The following CDC42SE2 variants were observed in gnomAD, a reference collection of about 807,000 sequenced individuals.
The protein encoded by CDC42SE2 is CDC42 small effector protein 2.
CDC42SE2 carries 3 observed loss-of-function variants against 11.5 expected under a neutral mutation model. That is an observed-to-expected ratio of 0.26 (90% CI 0.12 to 0.67). CDC42SE2 has a LOEUF of 0.67. CDC42SE2 is among the 30% of genes least tolerant of loss of function. The probability of loss-of-function intolerance (pLI) is 0.80; values close to 1 mark genes in which losing one functional copy is unlikely to be tolerated. For synonymous variants in CDC42SE2, 33 were observed against 34.8 expected (o/e 0.95, Z 0.18); for missense variants, 82 against 106.8 (o/e 0.77, Z 1.02).
upstream of CDC42SE2, among the ~76,000 whole-genome samples, chr5:131,262,742 T>G (rs1756758067): frequency 6.6e-6 from 1 of 152,240 alleles, no homozygotes; most frequent in Non-Finnish European, 1.5e-5. Flanking sequence ...ACAATGTAAG[T>G]GCTATGTAAA....
rs34594352 is a variant in CDC42SE2 at position 131,339,246 on chromosome 5, G to GAAAAA, written c.-285-19941_-285-19937dup. Among the ~76,000 whole-genome samples the GAAAAA allele has an allele frequency of 2.8e-4, 8 of 28,240 alleles. 1 individual carries two copies. Among genetic ancestry groups the GAAAAA allele is most frequent in the Admixed American group, 5.0e-4 (1 of 1,990 alleles). 18.5% of individuals were successfully genotyped at this position (28,240 alleles called of 152,430 possible). On this transcript the variant is annotated intron_variant, in intron 2 of 4. Transcript: ENST00000505065. Reference sequence around the variant, plus strand: ...GTGGTGACAGAGTGAGACTCTGTCTGAAAAAAAAAAAAAAAAAAAAAAAAA... The same window carrying GAAAAA: ...GTGGTGACAGAGTGAGACTCTGTCTGAAAAAAAAAAAAAAAAAAAAAAAAAAAAAA...
the CDC42SE2 span, among the ~76,000 whole-genome samples, chr5:131,210,286 C>T: frequency 3.9e-5 from 6 of 152,330 alleles, no homozygotes; most frequent in African/African-American, 1.4e-4. Context: ...TGTCAATCTC[C>T]TTAAATTTAG....
At chr5:131,235,332 C>T in the CDC42SE2 span, among the ~76,000 whole-genome samples, 1 of 150,820 alleles carries the variant, frequency 6.6e-6, no homozygotes, top group Non-Finnish European at 1.5e-5. Flanking sequence ...GCTCTGTAGC[C>T]AGGCTGGAGT....
intron 4 of CDC42SE2, among the ~76,000 whole-genome samples, chr5:131,387,545 C>CCAT (rs1230913248): frequency 6.6e-6 from 1 of 151,982 alleles, no homozygotes; most frequent in Non-Finnish European, 1.5e-5. Flanking sequence ...GAGTGAAACC[C>CCAT]CATCTTAAAA....
At chr5:131,337,664 A>T (rs1019774739) in intron 2 of CDC42SE2, among the ~76,000 whole-genome samples, 35 of 152,188 alleles carry the variant, frequency 2.3e-4, no homozygotes, top group African/African-American at 2.4e-5. Context: ...AAGCCTGAGC[A>T]ATGGCGGGCA....
chr5:131,311,702 A>G (rs1757918775), intron 1 of CDC42SE2, among the ~76,000 whole-genome samples: 1 of 151,998 alleles, frequency 6.6e-6, no homozygotes, highest in Non-Finnish European at 1.5e-5. Context: ...CTCATCTTCC[A>G]TCGCTGATAC....
At chr5:131,252,499 C>CA (rs1481330419) in intron 1 of CDC42SE2, among the ~76,000 whole-genome samples, 140 of 151,790 alleles carry the variant, frequency 9.2e-4, no homozygotes, top group African/African-American at 3.2e-3. Flanking sequence ...ACTAAAAATA[C>CA]AAAAAAAATT....
intron 2 of CDC42SE2, among the ~76,000 whole-genome samples, chr5:131,325,991 C>G (rs1580755206): frequency 6.6e-6 from 1 of 152,108 alleles, no homozygotes; most frequent in East Asian, 1.9e-4. Context: ...AAAAATTGAT[C>G]CAGTTAGAGG....
At chr5:131,271,580 TGG>T (rs143478830) in intron 1 of CDC42SE2, among the ~76,000 whole-genome samples, 1 of 152,072 alleles carries the variant, frequency 6.6e-6, no homozygotes, top group African/African-American at 2.4e-5. Context: ...TGGGCCAGGG[TGG>T]GGCAGGGTTC....
intron 2 of CDC42SE2, among the ~76,000 whole-genome samples, chr5:131,358,225 A>T (rs1749609162): frequency 6.6e-6 from 1 of 152,108 alleles, no homozygotes; most frequent in South Asian, 2.1e-4. Context: ...TCTTAACTTG[A>T]CTATTGTAGT....
At chr5:131,331,217 C>T (rs1267005433) in intron 2 of CDC42SE2, among the ~76,000 whole-genome samples, 2 of 151,956 alleles carry the variant, frequency 1.3e-5, no homozygotes, top group African/African-American at 2.4e-5. Flanking sequence ...GTCAAATTCA[C>T]GGAAATTCTA....
intron 1 of CDC42SE2, among the ~76,000 whole-genome samples, chr5:131,273,614 CA>C (rs914732601): frequency 1.7e-4 from 26 of 149,152 alleles, no homozygotes; most frequent in Admixed American, 4.7e-4. Flanking sequence ...ACTAAAAATA[CA>C]AAAAAAAATT....
At chr5:131,276,759 GCT>G (rs1173063370) in intron 1 of CDC42SE2, among the ~76,000 whole-genome samples, 8 of 144,110 alleles carry the variant, frequency 5.6e-5, no homozygotes, top group Non-Finnish European at 1.1e-4. Flanking sequence ...ATGGAGACTT[GCT>G]CTGTCACCCA....
intron 1 of CDC42SE2, among the ~76,000 whole-genome samples, chr5:131,274,335 C>G (rs534777617): frequency 6.6e-6 from 1 of 152,274 alleles, no homozygotes; most frequent in East Asian, 1.9e-4. Context: ...AGTAGACATT[C>G]TTGACTCTCT....
At chr5:131,353,092 A>G (rs1188980900) in intron 2 of CDC42SE2, among the ~76,000 whole-genome samples, 5 of 152,114 alleles carry the variant, frequency 3.3e-5, no homozygotes, top group Non-Finnish European at 5.9e-5. Context: ...CAGCCTTCCA[A>G]GTAGCTGATA....
In CDC42SE2 at chr5:131,271,279, T is replaced by C. The variant is rs149843080; in HGVS notation, c.-455+7113T>C. Among the ~76,000 whole-genome samples, 471 of 152,290 alleles carry C rather than the reference T, an allele frequency of 3.1e-3. 4 individuals carry two copies. Among genetic ancestry groups the C allele is most frequent in the African/African-American group, 0.011 (441 of 41,560 alleles). Reference sequence around the variant, plus strand: ...ATAGACACAATTTCATTAATTCCACTGGGGTCTCAGCATCCTGTCTTTCCA... The same window carrying C: ...ATAGACACAATTTCATTAATTCCACCGGGGTCTCAGCATCCTGTCTTTCCA... On this transcript the variant is annotated intron_variant, in intron 1 of 4. Coordinates refer to ENST00000505065, the MANE Select transcript of CDC42SE2 (RefSeq NM_001375635.1).
rs539870943 is a variant in CDC42SE2, at chr5:131,332,514, C to T, written c.-286+16370C>T. On this transcript the variant is annotated intron_variant, in intron 2 of 4. Transcript: ENST00000505065. Reference sequence around the variant, plus strand: ...GGGATGGCTGGATCAAATGGTATTTCTAGTTCTAGATCCCTGAGGAATTGC... The same window carrying T: ...GGGATGGCTGGATCAAATGGTATTTTTAGTTCTAGATCCCTGAGGAATTGC... 4.1e-3 allele frequency among the ~76,000 whole-genome samples: 630 copies of T among 152,132 alleles called. 4 individuals are homozygous for T. The highest frequency in any genetic ancestry group is 0.013 in the African/African-American group (546 of 41,464).
chr5:131,341,135 G>A (rs928196710), intron 2 of CDC42SE2, among the ~76,000 whole-genome samples: 1 of 152,092 alleles, frequency 6.6e-6, no homozygotes, highest in Non-Finnish European at 1.5e-5. Flanking sequence ...TTTCACAATA[G>A]TCCCATGGTA....
At chr5:131,368,170 G>A (rs887369730) in intron 3 of CDC42SE2, among the ~76,000 whole-genome samples, 1 of 150,826 alleles carries the variant, frequency 6.6e-6, no homozygotes, top group African/African-American at 2.4e-5. Context: ...GGAGAATGGC[G>A]TGAACCTGGG....
Sources: allele counts gnomAD v4.1 joint callset (sites outside exome capture counted in the v4.1 genomes callset), GRCh38; gene constraint gnomAD v4.1.1; transcripts MANE v1.5; gene names NCBI Gene and HGNC (gene_info 2026-07-23, HGNC 2026-07-21).